The following KIFAP3 variants were observed in gnomAD, a reference collection of about 807,000 sequenced individuals.
The protein encoded by KIFAP3 is kinesin associated protein 3, also known as kinesin-associated protein 3.
In KIFAP3, 68 loss-of-function variants were observed where a neutral mutation model predicts 106.5. The ratio of observed to expected loss-of-function variants is 0.64; its 90% CI spans 0.53 to 0.78. The LOEUF (loss-of-function observed/expected upper bound fraction) is 0.78, where lower values mean the gene tolerates loss of function less well. Among genes scored for constraint, KIFAP3 ranks in the 30% least tolerant of loss-of-function variants. The pLI, the probability that KIFAP3 is intolerant of heterozygous loss-of-function variation, is 0.00. For synonymous variants in KIFAP3, 320 were observed against 311.5 expected (o/e 1.03, Z -0.29); for missense variants, 780 against 941.8 (o/e 0.83, Z 2.25).
At chr1:170,080,699 C>T (rs1466309735) in intron 1 of KIFAP3, among the ~76,000 whole-genome samples, 2 of 152,098 alleles carry the variant, frequency 1.3e-5, no homozygotes, top group Non-Finnish European at 2.9e-5. Flanking sequence ...TAGGTACCTT[C>T]ACCTAGTTTC....
At chr1:170,015,693 A>G (rs1668471748) in intron 10 of KIFAP3, among the ~76,000 whole-genome samples, 1 of 152,172 alleles carries the variant, frequency 6.6e-6, no homozygotes, top group Non-Finnish European at 1.5e-5. Flanking sequence ...GGAAACTGCA[A>G]GTGTTTCAGT....
At chr1:170,042,503 G>A (rs2102072536) in intron 3 of KIFAP3, among the ~76,000 whole-genome samples, 1 of 152,280 alleles carries the variant, frequency 6.6e-6, no homozygotes, top group Non-Finnish European at 1.5e-5. Context: ...CTAGTCTTGG[G>A]AAATATTGAC....
At chr1:169,988,853 T>C (rs930049400) in intron 11 of KIFAP3, among the ~76,000 whole-genome samples, 1 of 152,040 alleles carries the variant, frequency 6.6e-6, no homozygotes, top group Non-Finnish European at 1.5e-5. Context: ...TACAGTATCA[T>C]TTGGTTTTCT....
At chr1:170,074,392 G>T in intron 1 of KIFAP3, 44 bp downstream of exon 1, 1 of 1,607,562 alleles carries the variant, frequency 6.2e-7, no homozygotes. Flanking sequence ...ACATCTTCAG[G>T]GCCCTGGCAA....
At chr1:170,012,036 A>T (rs1668267730) in intron 10 of KIFAP3, among the ~76,000 whole-genome samples, 2 of 152,138 alleles carry the variant, frequency 1.3e-5, no homozygotes, top group South Asian at 4.1e-4. Context: ...AAACTCAAGA[A>T]CATTACTAGG....
chr1:169,985,290 T>C (rs984024189), intron 11 of KIFAP3, among the ~76,000 whole-genome samples: 1 of 151,698 alleles, frequency 6.6e-6, no homozygotes, highest in Non-Finnish European at 1.5e-5. Flanking sequence ...TGCAAGAAAA[T>C]ATGGGGAACC....
chr1:170,075,971 A>G (rs1407776498), upstream of KIFAP3, among the ~76,000 whole-genome samples: 2 of 152,212 alleles, frequency 1.3e-5, no homozygotes, highest in Admixed American at 1.3e-4. Flanking sequence ...ACAAATTATC[A>G]TTTATAACAC....
intron 10 of KIFAP3, among the ~76,000 whole-genome samples, chr1:170,003,354 A>G (rs944608365): frequency 9.2e-5 from 14 of 151,702 alleles, no homozygotes; most frequent in Admixed American, 5.9e-4. Flanking sequence ...GCTATAAAAT[A>G]TAAGTGAAAT....
chr1:170,027,452 T>C (rs6674620), intron 8 of KIFAP3, among the ~76,000 whole-genome samples: 72,297 of 152,020 alleles, frequency 0.48, 17,695 homozygotes, highest in East Asian at 0.83. Flanking sequence ...CGGAACATTA[T>C]GTCATATAAC....
At chr1:169,989,334 C>T (rs1489337076) in intron 11 of KIFAP3, among the ~76,000 whole-genome samples, 6 of 150,630 alleles carry the variant, frequency 4.0e-5, no homozygotes, top group Non-Finnish European at 7.4e-5. Flanking sequence ...ATTTATTTAT[C>T]TTTTATTTAA....
chr1:169,996,663 G>A (rs1442353706), intron 10 of KIFAP3, among the ~76,000 whole-genome samples: 1 of 152,144 alleles, frequency 6.6e-6, no homozygotes, highest in Non-Finnish European at 1.5e-5. Flanking sequence ...CCTTCCAGGA[G>A]GCAGCAGAGG....
At chr1:169,964,523 T>C (rs1665503264) in intron 17 of KIFAP3, among the ~76,000 whole-genome samples, 1 of 152,122 alleles carries the variant, frequency 6.6e-6, no homozygotes, top group African/African-American at 2.4e-5. Context: ...CAAGCAGTGA[T>C]ATGGGAGGAA....
At chr1:169,928,716 A>AAAAAAAAAAAAAAAAAAAAAAAAAAAAC in intron 19 of KIFAP3, among the ~76,000 whole-genome samples, 1 of 150,462 alleles carries the variant, frequency 6.6e-6, no homozygotes, top group Non-Finnish European at 1.5e-5. Flanking sequence ...AAAAAAAAAA[A>AAAAAAAAAAAAAAAAAAAAAAAAAAAAC]AAAAATTAAA....
At chr1:170,000,591 C>T (rs1189233422) in intron 10 of KIFAP3, among the ~76,000 whole-genome samples, 2 of 152,184 alleles carry the variant, frequency 1.3e-5, no homozygotes, top group African/African-American at 4.8e-5. Context: ...AGACTAAAAA[C>T]ACATTGAAGC....
At chr1:169,957,516 TAAAAAACTGGC>T (rs1665086311) in intron 18 of KIFAP3, among the ~76,000 whole-genome samples, 1 of 152,148 alleles carries the variant, frequency 6.6e-6, no homozygotes, top group Non-Finnish European at 1.5e-5. Flanking sequence ...AAGCCAGTTT[TAAAAAACTGGC>T]TTATAAACAT....
At chr1:169,950,470 TA>T (rs1664671699) in intron 19 of KIFAP3, among the ~76,000 whole-genome samples, 1 of 152,168 alleles carries the variant, frequency 6.6e-6, no homozygotes, top group Non-Finnish European at 1.5e-5. Context: ...AAAGAATTTA[TA>T]AATCATCTGG....
At chr1:170,027,087 T>C (rs1438559412) in intron 8 of KIFAP3, among the ~76,000 whole-genome samples, 2 of 151,006 alleles carry the variant, frequency 1.3e-5, no homozygotes, top group East Asian at 1.9e-4. Context: ...ATGCGTGACC[T>C]TGGCTCACTG....
chr1:170,061,742 A>G (rs1015453268), intron 1 of KIFAP3, among the ~76,000 whole-genome samples: 1 of 152,212 alleles, frequency 6.6e-6, no homozygotes, highest in Non-Finnish European at 1.5e-5. Flanking sequence ...TATTCACAAT[A>G]GCAAAGACTT....
intron 19 of KIFAP3, among the ~76,000 whole-genome samples, chr1:169,933,755 T>C (rs1356983284): frequency 2.0e-5 from 3 of 152,260 alleles, no homozygotes; most frequent in East Asian, 1.9e-4. Context: ...ATTTAAGGAC[T>C]AGCAATTAAG....
Sources: allele counts gnomAD v4.1 joint callset (sites outside exome capture counted in the v4.1 genomes callset), GRCh38; gene constraint gnomAD v4.1.1; transcripts MANE v1.5; gene names NCBI Gene and HGNC (gene_info 2026-07-23, HGNC 2026-07-21).